The following ANO3 variants were observed in gnomAD, a reference collection of about 807,000 sequenced individuals.
The protein encoded by ANO3 is anoctamin 3.
Under a neutral mutation model 144.8 loss-of-function variants are expected in ANO3, and 99 were observed. The ratio of observed to expected loss-of-function variants is 0.68; its 90% CI spans 0.58 to 0.81. The LOEUF (loss-of-function observed/expected upper bound fraction) is 0.81. ANO3 is among the 30% of genes least tolerant of loss of function. ANO3 has a pLI of 0.00. For synonymous variants in ANO3, 414 were observed against 392.6 expected, an observed-to-expected ratio of 1.05 and a Z score of -0.64; for missense variants, 905 against 1,202.2, an observed-to-expected ratio of 0.75 and a Z score of 3.66.
exon 1 of ANO3, chr11:26,309,658 G>A: frequency 5.1e-6 from 5 of 985,316 alleles, no homozygotes; most frequent in Non-Finnish European, 6.0e-6. Flanking sequence ...TGCAAAAGTT[G>A]TGCTTTTCTC....
chr11:26,445,326 C>G (rs1858664326), intron 3 of ANO3, among the ~76,000 whole-genome samples: 2 of 152,176 alleles, frequency 1.3e-5, no homozygotes, highest in Non-Finnish European at 1.5e-5. Flanking sequence ...GCAAAGCACC[C>G]TTTACTAACC....
intron 1 of ANO3, among the ~76,000 whole-genome samples, chr11:26,195,683 G>A (rs1032499811): frequency 6.6e-6 from 1 of 152,128 alleles, no homozygotes; most frequent in Non-Finnish European, 1.5e-5. Context: ...AGACATAAAG[G>A]TCAGCCTATA....
Position 26,292,084 on chromosome 11 carries a change from A to G in ANO3, c.155-17561A>G, listed in dbSNP as rs565835580. ...ATTTGGTCTTTTCACATGGTCCCAT[A>G]TTTCTTGGAGGCTTTGTTCATTTCT... On this transcript the variant is annotated intron_variant, in intron 1 of 27. Coordinates refer to the ANO3 transcript ENST00000672621. Among the ~76,000 whole-genome samples, 8 of 152,126 alleles carry G rather than the reference A, an allele frequency of 5.3e-5. No individual in the cohort carries two copies. In the South Asian group the frequency reaches 1.7e-3, roughly 32 times the overall value.
chr11:26,488,463 G>A (rs11029579), intron 4 of ANO3, among the ~76,000 whole-genome samples: 3,057 of 152,112 alleles, frequency 0.02, 40 homozygotes, highest in Non-Finnish European at 0.031. Flanking sequence ...ATGAAGCCGG[G>A]GACCCTTGTG....
intron 1 of ANO3, among the ~76,000 whole-genome samples, chr11:26,270,212 T>A (rs1483554716): frequency 6.6e-6 from 1 of 152,228 alleles, no homozygotes; most frequent in Admixed American, 6.5e-5. Context: ...CTCCACTACG[T>A]ACACTGGAAT....
chr11:26,385,968 G>A (rs1374396899), intron 1 of ANO3, among the ~76,000 whole-genome samples: 1 of 150,836 alleles, frequency 6.6e-6, no homozygotes, highest in East Asian at 1.9e-4. Context: ...TTGCTTTTTT[G>A]TTGAGAGAAC....
At chr11:26,656,013 T>C in intron 24 of ANO3, 112 bp from the exon 25 acceptor site, 1 of 839,722 alleles carries the variant, frequency 1.2e-6, no homozygotes, top group African/African-American at 1.7e-5. Context: ...TAAAAGTTTA[T>C]CATTAGAATG....
intron 6 of ANO3, among the ~76,000 whole-genome samples, chr11:26,517,681 C>G (rs1861912046): frequency 6.6e-6 from 1 of 151,906 alleles, no homozygotes; most frequent in Admixed American, 6.6e-5. Flanking sequence ...GTAAGAGCCT[C>G]TAGATAATGA....
At chr11:26,342,042 C>A (rs897727573) in intron 1 of ANO3, among the ~76,000 whole-genome samples, 2 of 152,160 alleles carry the variant, frequency 1.3e-5, no homozygotes, top group Non-Finnish European at 2.9e-5. Context: ...CACCCAGGAA[C>A]AATACTTTGC....
intron 1 of ANO3, among the ~76,000 whole-genome samples, chr11:26,206,817 TG>T (rs1851803081): frequency 6.6e-6 from 1 of 152,212 alleles, no homozygotes; most frequent in Non-Finnish European, 1.5e-5. Context: ...ACTACATTTT[TG>T]CTTCACTAAT....
intron 4 of ANO3, among the ~76,000 whole-genome samples, chr11:26,467,396 A>AT (rs1439016535): frequency 2.3e-5 from 1 of 43,438 alleles, no homozygotes; most frequent in African/African-American, 5.0e-5. Context: ...CTTTCAAAAT[A>AT]TTTTTTGTGC....
upstream of ANO3, among the ~76,000 whole-genome samples, chr11:26,329,079 AAAATAG>A (rs1482585292): frequency 2.1e-4 from 32 of 152,128 alleles, no homozygotes; most frequent in African/African-American, 7.2e-4. Flanking sequence ...TTTGAAGCTA[AAAATAG>A]TAGGAAAAAG....
At chr11:26,388,369 A>G (rs1348563418) in intron 1 of ANO3, among the ~76,000 whole-genome samples, 1 of 152,020 alleles carries the variant, frequency 6.6e-6, no homozygotes, top group African/African-American at 2.4e-5. Flanking sequence ...GGATAACAAA[A>G]ATGTTGTGTA....
chr11:26,659,530 C>A (rs1249158622), intron 26 of ANO3, among the ~76,000 whole-genome samples: 1 of 151,780 alleles, frequency 6.6e-6, no homozygotes, highest in African/African-American at 2.4e-5. Context: ...CTCATATCTA[C>A]AAATTTTTTA....
chr11:26,547,531 A>G lies in ANO3; in HGVS notation c.1270A>G (p.Met424Val). The change falls in exon 12 of 27, where the codon ATG (methionine) becomes GTG (valine). Residue 424 changes from methionine to valine, a missense_variant. Physicochemically the swap from Met to Val is conservative, Grantham distance 21. Coordinates refer to ENST00000256737, the MANE Select transcript of ANO3 (RefSeq NM_031418.4). ...CGTTTTCTTCTATGGATTATTTACA[A>G]TGAATAATAGTCAAGTAAGGTAGGC... ...LCVFFYGLFT[M>V]NNSQVSQEIC... The G allele has an allele frequency of 6.2e-7, 1 of 1,611,798 alleles. No individual in the cohort carries two copies. Among genetic ancestry groups the G allele is most frequent in the Non-Finnish European group, 8.5e-7 (1 of 1,178,400 alleles).
intron 14 of ANO3, among the ~76,000 whole-genome samples, chr11:26,594,369 C>T (rs550039100): frequency 2.0e-5 from 3 of 152,258 alleles, no homozygotes; most frequent in African/African-American, 4.8e-5. Context: ...GCAGCTATGG[C>T]GGCACTTCTC....
chr11:26,217,141 G>T (rs549730850), intron 1 of ANO3, among the ~76,000 whole-genome samples: 28 of 151,770 alleles, frequency 1.8e-4, no homozygotes, highest in Non-Finnish European at 3.7e-4. Context: ...TGATCACCAC[G>T]TGATCATATG....
At chr11:26,544,493 A>G (rs899848801) in intron 11 of ANO3, among the ~76,000 whole-genome samples, 1 of 151,142 alleles carries the variant, frequency 6.6e-6, no homozygotes, top group African/African-American at 2.4e-5. Context: ...ATTGGTTTAA[A>G]TAGGAGGAAT....
At chr11:26,266,559 G>A (rs1384386225) in intron 1 of ANO3, among the ~76,000 whole-genome samples, 7 of 150,676 alleles carry the variant, frequency 4.6e-5, no homozygotes, top group Non-Finnish European at 7.4e-5. Context: ...TCAGCCGCCC[G>A]AGAAGCTGGG....
Sources: allele counts gnomAD v4.1 joint callset (sites outside exome capture counted in the v4.1 genomes callset), GRCh38; gene constraint gnomAD v4.1.1; transcripts MANE v1.5; gene names NCBI Gene and HGNC (gene_info 2026-07-23, HGNC 2026-07-21).